Variants in CDH8 observed in about 807,000 individuals in gnomAD.
The protein encoded by CDH8 is cadherin 8.
A neutral mutation model predicts 68.1 loss-of-function variants in CDH8; 17 were observed. The observed-to-expected ratio is 0.25, with a 90% CI of 0.17 to 0.37. The LOEUF (loss-of-function observed/expected upper bound fraction) is 0.37, where lower values mean the gene tolerates loss of function less well. Among genes scored for constraint, CDH8 ranks in the 10% least tolerant of loss-of-function variants. The pLI, the probability that CDH8 is intolerant of heterozygous loss-of-function variation, is 1.00. For missense variants in CDH8, 763 were observed against 999.3 expected (o/e 0.76, Z 3.19); for synonymous variants, 372 against 365.1 (o/e 1.02, Z -0.21).
chr16:61,759,276 C>T (rs951606463), intron 8 of CDH8, among the ~76,000 whole-genome samples: 12 of 151,866 alleles, frequency 7.9e-5, no homozygotes, highest in African/African-American at 2.4e-4. Flanking sequence ...CATTTACAGG[C>T]AGCATGCAGA....
intron 10 of CDH8, among the ~76,000 whole-genome samples, chr16:61,682,254 G>A (rs1964027280): frequency 6.6e-6 from 1 of 151,892 alleles, no homozygotes; most frequent in African/African-American, 2.4e-5. Context: ...TTAGTAATCA[G>A]ATGCAATGGG....
intron 10 of CDH8, among the ~76,000 whole-genome samples, chr16:61,690,637 TTTGTTG>T (rs150718158): frequency 5.9e-5 from 9 of 151,886 alleles, no homozygotes; most frequent in Non-Finnish European, 1.0e-4. Context: ...CTTTCTGGTC[TTTGTTG>T]TTGTTGTTGT....
chr16:61,847,945 T>C (rs1186304024), intron 4 of CDH8, among the ~76,000 whole-genome samples: 1 of 151,736 alleles, frequency 6.6e-6, no homozygotes, highest in Non-Finnish European at 1.5e-5. Flanking sequence ...TAAAAGGAGT[T>C]ATTACAAGTT....
chr16:61,779,659 T>C (rs572875231), intron 8 of CDH8, among the ~76,000 whole-genome samples: 23 of 152,296 alleles, frequency 1.5e-4, no homozygotes, highest in African/African-American at 5.5e-4. Flanking sequence ...TATGCTGTGT[T>C]CTCTATTCTA....
chr16:61,873,449 A>G (rs1217473238), intron 3 of CDH8, among the ~76,000 whole-genome samples: 1 of 152,206 alleles, frequency 6.6e-6, no homozygotes, highest in East Asian at 1.9e-4. Context: ...CTGAACATGG[A>G]ATAATACACA....
chr16:61,832,372 A>C (rs562985834), intron 4 of CDH8, among the ~76,000 whole-genome samples: 1 of 151,714 alleles, frequency 6.6e-6, no homozygotes, highest in Admixed American at 6.6e-5. Context: ...AGATAGATAG[A>C]TAGATAGATA....
chr16:61,895,756 A>G (rs1173313176), intron 3 of CDH8, among the ~76,000 whole-genome samples: 1 of 152,182 alleles, frequency 6.6e-6, no homozygotes, highest in African/African-American at 2.4e-5. Flanking sequence ...ATGTATTCGT[A>G]TTACACAGGC....
At chr16:61,886,890 A>C (rs1963683837) in intron 3 of CDH8, among the ~76,000 whole-genome samples, 1 of 152,172 alleles carries the variant, frequency 6.6e-6, no homozygotes. Context: ...AGCAACCTAT[A>C]TAAGCTAACT....
intron 2 of CDH8, among the ~76,000 whole-genome samples, chr16:61,976,811 A>C (rs1306557992): frequency 1.3e-5 from 2 of 152,194 alleles, no homozygotes; most frequent in African/African-American, 4.8e-5. Flanking sequence ...TGAGCAGTTA[A>C]ATGGTTCTTA....
intron 11 of CDH8, 74 bp from the exon 12 acceptor site, chr16:61,654,175 G>A (rs997838446): frequency 2.2e-5 from 30 of 1,367,098 alleles, no homozygotes; most frequent in Non-Finnish European, 3.0e-5. Context: ...ATATATGTTA[G>A]GAGAGAGGGG....
At position 61,833,643 on chromosome 16, in the gene CDH8, A is replaced by G. The variant is rs147550112; in HGVS notation, c.668-8464T>C. 6.1e-3 allele frequency among the ~76,000 whole-genome samples: 934 copies of G among 151,962 alleles called. 14 individuals carry two copies. Among genetic ancestry groups the G allele is most frequent in the Admixed American group, 0.033 (501 of 15,232 alleles). ...GACTTGTCTCCAAACATTTTTTACT[A>G]TGGTATTCTACACAGCATATGCCTT... On this transcript the variant is annotated intron_variant, in intron 4 of 11. Coordinates refer to ENST00000577390, the MANE Select transcript of CDH8 (RefSeq NM_001796.5).
Position 62,021,100 on chromosome 16 carries a change from T to C in CDH8, c.252+52A>G. The C allele has an allele frequency of 9.4e-6, 14 of 1,496,476 alleles. No individual in the cohort carries two copies. In the South Asian group the frequency reaches 1.5e-4, roughly 16 times the overall value. 92.7% of individuals were successfully genotyped at this position (1,496,476 alleles called of 1,614,324 possible). ...ATTAAAAAGAGTCTGGTATTAAACA[T>C]CTTAAGACCACTAACAGACCCTGAA... is the stretch of plus-strand genomic sequence containing the variant. On this transcript the variant is annotated intron_variant, in intron 2 of 11. Coordinates refer to ENST00000577390, the MANE Select transcript of CDH8 (RefSeq NM_001796.5).
At chr16:61,883,240 T>C (rs1226712618) in intron 3 of CDH8, among the ~76,000 whole-genome samples, 2 of 152,178 alleles carry the variant, frequency 1.3e-5, no homozygotes, top group African/African-American at 4.8e-5. Flanking sequence ...AGCAGGGCAC[T>C]CTAGGTATGC....
intron 2 of CDH8, among the ~76,000 whole-genome samples, chr16:61,950,251 C>G: frequency 6.6e-6 from 1 of 152,032 alleles, no homozygotes; most frequent in East Asian, 1.9e-4. Context: ...TTTTCTTCCT[C>G]TCTGACTTCT....
chr16:61,892,320 C>A (rs1034643625), intron 3 of CDH8, among the ~76,000 whole-genome samples: 1 of 152,016 alleles, frequency 6.6e-6, no homozygotes, highest in African/African-American at 2.4e-5. Flanking sequence ...TTCTGTAATG[C>A]CTGCAGGATC....
chr16:62,020,657 C>T (rs1902051860), intron 2 of CDH8, among the ~76,000 whole-genome samples: 1 of 152,180 alleles, frequency 6.6e-6, no homozygotes, highest in African/African-American at 2.4e-5. Flanking sequence ...TCCTTTTCTC[C>T]ATCCTAGGTC....
At chr16:61,738,233 G>A (rs946031736) in intron 8 of CDH8, among the ~76,000 whole-genome samples, 1 of 152,070 alleles carries the variant, frequency 6.6e-6, no homozygotes, top group Non-Finnish European at 1.5e-5. Flanking sequence ...TGTTTTCCCT[G>A]ACTGCCAAAA....
At chr16:61,843,964 T>C (rs1962743212) in intron 4 of CDH8, among the ~76,000 whole-genome samples, 1 of 152,092 alleles carries the variant, frequency 6.6e-6, no homozygotes, top group South Asian at 2.1e-4. Flanking sequence ...GGTTTTGATT[T>C]GCATTTCTCT....
chr16:61,952,602 C>G (rs1274224266), intron 2 of CDH8, among the ~76,000 whole-genome samples: 1 of 152,112 alleles, frequency 6.6e-6, no homozygotes, highest in East Asian at 1.9e-4. Flanking sequence ...ACAATCTATG[C>G]AAAAGTCAAA....
Sources: allele counts gnomAD v4.1 joint callset (sites outside exome capture counted in the v4.1 genomes callset), GRCh38; gene constraint gnomAD v4.1.1; transcripts MANE v1.5; gene names NCBI Gene and HGNC (gene_info 2026-07-23, HGNC 2026-07-21).